Variants in PARD3 observed in about 807,000 individuals in gnomAD.
PARD3 encodes the protein par-3 family cell polarity regulator.
In PARD3, 75 loss-of-function variants were observed where a neutral mutation model predicts 155.4. The ratio of observed to expected loss-of-function variants is 0.48; its 90% CI spans 0.40 to 0.58. The LOEUF is 0.58. Ranked by LOEUF, PARD3 falls within the 20% of genes least tolerant of loss-of-function variation. PARD3 has a pLI of 0.00. For missense variants in PARD3, 1,642 were observed against 1,721.7 expected, an observed-to-expected ratio of 0.95 and a Z score of 0.82; for synonymous variants, 576 against 610.5, an observed-to-expected ratio of 0.94 and a Z score of 0.83.
At chr10:34,329,018 G>A (rs1360640856) in intron 19 of PARD3, among the ~76,000 whole-genome samples, 1 of 152,152 alleles carries the variant, frequency 6.6e-6, no homozygotes, top group African/African-American at 2.4e-5. Context: ...TCTTTGGTTT[G>A]CAAATTGTAA....
intron 20 of PARD3, among the ~76,000 whole-genome samples, chr10:34,295,101 A>G (rs1416520835): frequency 6.6e-6 from 1 of 152,142 alleles, no homozygotes; most frequent in Non-Finnish European, 1.5e-5. Flanking sequence ...AAAAATGTCA[A>G]TGGCTCTCTT....
At chr10:34,476,671 C>T (rs2078726269) in intron 3 of PARD3, among the ~76,000 whole-genome samples, 1 of 152,034 alleles carries the variant, frequency 6.6e-6, no homozygotes, top group Non-Finnish European at 1.5e-5. Flanking sequence ...TGTTCATATA[C>T]CCCCAACCAG....
rs72786218 is a variant in PARD3, at chr10:34,204,994, G to A, written c.3419+64663C>T. Among the ~76,000 whole-genome samples, 710 of 152,276 alleles carry A rather than the reference G, an allele frequency of 4.7e-3. 1 individual carries two copies. The highest frequency in any genetic ancestry group is 6.8e-3 in the Non-Finnish European group (465 of 68,020). On this transcript the variant is annotated intron_variant, in intron 22 of 24. Transcript: ENST00000374788. ...TCAACCGTAATTAAGCCAAACGATTGTGCCTGCATCATTATAGCAACTATA... is the reference window on the plus strand; with the variant it reads ...TCAACCGTAATTAAGCCAAACGATTATGCCTGCATCATTATAGCAACTATA...
At chr10:34,250,518 C>T (rs1954242893) in intron 22 of PARD3, among the ~76,000 whole-genome samples, 1 of 152,096 alleles carries the variant, frequency 6.6e-6, no homozygotes, top group African/African-American at 2.4e-5. Flanking sequence ...TTTAGCTACC[C>T]TTGGGTATAC....
chr10:34,460,219 T>C (rs1043561099), intron 4 of PARD3, among the ~76,000 whole-genome samples: 6 of 152,140 alleles, frequency 3.9e-5, no homozygotes, highest in African/African-American at 1.4e-4. Flanking sequence ...ACTATTTCTG[T>C]CCTCCATTCA....
intron 3 of PARD3, among the ~76,000 whole-genome samples, chr10:34,480,730 A>G (rs1266522631): frequency 6.6e-6 from 1 of 151,756 alleles, no homozygotes; most frequent in Non-Finnish European, 1.5e-5. Context: ...GATGTATTCC[A>G]ATATTTTATT....
At chr10:34,159,950 A>C (rs1274483) in intron 22 of PARD3, among the ~76,000 whole-genome samples, 30,420 of 152,190 alleles carry the variant, frequency 0.2, 3,890 homozygotes, top group Non-Finnish European at 0.27. Context: ...TTATCTTAAC[A>C]TTTTCACCCA....
chr10:34,389,997 A>G (rs1262290018), intron 7 of PARD3, among the ~76,000 whole-genome samples: 1 of 152,182 alleles, frequency 6.6e-6, no homozygotes, highest in Non-Finnish European at 1.5e-5. Context: ...TCTAAAACCA[A>G]TGCGTATGTT....
chr10:34,372,146 T>C (rs1044788451), intron 12 of PARD3, among the ~76,000 whole-genome samples: 2 of 152,144 alleles, frequency 1.3e-5, no homozygotes, highest in African/African-American at 4.8e-5. Flanking sequence ...AATCAAGTTT[T>C]TTAACTTTTC....
intron 2 of PARD3, among the ~76,000 whole-genome samples, chr10:34,585,282 A>AAGTAATTCC (rs1302310016): frequency 6.6e-6 from 1 of 152,170 alleles, no homozygotes; most frequent in Non-Finnish European, 1.5e-5. Context: ...TTTTAAAATT[A>AAGTAATTCC]AGTAATTCCA....
At chr10:34,814,544 G>C (rs1206639872) in intron 1 of PARD3, among the ~76,000 whole-genome samples, 1 of 152,230 alleles carries the variant, frequency 6.6e-6, no homozygotes, top group Non-Finnish European at 1.5e-5. Context: ...CTCGGGGCTT[G>C]GCTGGGTCTG....
At chr10:34,212,794 G>C (rs1259960856) in intron 22 of PARD3, among the ~76,000 whole-genome samples, 1 of 152,148 alleles carries the variant, frequency 6.6e-6, no homozygotes, top group Non-Finnish European at 1.5e-5. Flanking sequence ...TGGAAAAAAA[G>C]AAACTCATGA....
intron 2 of PARD3, among the ~76,000 whole-genome samples, chr10:34,621,196 T>G (rs758500408): frequency 2.1e-4 from 32 of 151,674 alleles, no homozygotes; most frequent in Non-Finnish European, 4.0e-4. Context: ...TTTGTTTTTG[T>G]TTTTTTGGGG....
intron 19 of PARD3, among the ~76,000 whole-genome samples, chr10:34,325,980 G>T (rs916199431): frequency 6.6e-6 from 1 of 151,978 alleles, no homozygotes; most frequent in Non-Finnish European, 1.5e-5. Flanking sequence ...AATCACTTGG[G>T]CATGGTGGCA....
chr10:34,643,176 G>A (rs1197321207), intron 2 of PARD3, among the ~76,000 whole-genome samples: 3 of 152,238 alleles, frequency 2.0e-5, no homozygotes, highest in Non-Finnish European at 4.4e-5. Flanking sequence ...CTCAGCGTCT[G>A]CTGGCTGGAG....
chr10:34,375,027 C>T, intron 10 of PARD3, 25 bp from the exon 11 acceptor site: 4 of 1,576,546 alleles, frequency 2.5e-6, no homozygotes, highest in Non-Finnish European at 3.5e-6. Flanking sequence ...AAGTTTTCAG[C>T]TGTAATCCTG....
intron 2 of PARD3, among the ~76,000 whole-genome samples, chr10:34,645,271 T>G (rs946830985): frequency 3.2e-4 from 49 of 152,276 alleles, no homozygotes; most frequent in Middle Eastern, 3.4e-3. Context: ...AGTGATATGA[T>G]CTCGGCTCAC....
chr10:34,512,409 G>C (rs2081455490), intron 3 of PARD3, among the ~76,000 whole-genome samples: 2 of 152,144 alleles, frequency 1.3e-5, no homozygotes, highest in South Asian at 4.1e-4. Context: ...TCTTTGGCCA[G>C]CAGGAGCATC....
intron 4 of PARD3, 144 bp downstream of exon 4, chr10:34,469,941 A>G (rs2078245609): frequency 3.5e-6 from 2 of 566,652 alleles, no homozygotes; most frequent in African/African-American, 3.8e-5. Flanking sequence ...CTGAACTTTG[A>G]TATGAAAGTT....
Sources: gnomAD v4.1 joint callset for allele counts (sites outside exome capture counted in the v4.1 genomes callset) on GRCh38, gnomAD v4.1.1 for gene constraint, MANE v1.5 for transcripts, NCBI Gene and HGNC (gene_info 2026-07-23, HGNC 2026-07-21) for gene names.